The following CA10 variants were observed in gnomAD, a reference collection of about 807,000 sequenced individuals.
CA10 encodes carbonic anhydrase 10 (inactive).
In CA10, 14 loss-of-function variants were observed where a neutral mutation model predicts 44.2. That is an observed-to-expected ratio of 0.32 (90% CI 0.21 to 0.50). The LOEUF (loss-of-function observed/expected upper bound fraction) is 0.50, where lower values mean the gene tolerates loss of function less well. Among genes scored for constraint, CA10 ranks in the 20% least tolerant of loss-of-function variants. The pLI, the probability that CA10 is intolerant of heterozygous loss-of-function variation, is 0.99. For synonymous variants in CA10, 159 were observed against 141.6 expected (o/e 1.12, Z -0.87); for missense variants, 350 against 409.7 (o/e 0.85, Z 1.26).
chr17:51,758,438 G>A (rs1268594677), intron 3 of CA10, among the ~76,000 whole-genome samples: 1 of 152,182 alleles, frequency 6.6e-6, no homozygotes, highest in Non-Finnish European at 1.5e-5. Flanking sequence ...ACTAAGGCGT[G>A]GGCTAAATCA....
chr17:51,967,474 G>T (rs912600787), intron 2 of CA10, among the ~76,000 whole-genome samples: 4 of 151,942 alleles, frequency 2.6e-5, no homozygotes, highest in African/African-American at 9.6e-5. Context: ...TAAAGAAAAT[G>T]TGGTACATCT....
intron 3 of CA10, among the ~76,000 whole-genome samples, chr17:51,896,570 GCA>G (rs1228979346): frequency 9.9e-5 from 15 of 152,058 alleles, no homozygotes; most frequent in African/African-American, 3.6e-4. Context: ...CTTTATGGCA[GCA>G]CAATTTATAT....
intron 2 of CA10, among the ~76,000 whole-genome samples, chr17:52,029,951 G>T (rs911268430): frequency 6.6e-6 from 1 of 152,150 alleles, no homozygotes; most frequent in Admixed American, 6.6e-5. Context: ...AAGAGAGAAA[G>T]ACTTTTATAA....
At chr17:51,718,888 A>G (rs1296548179) in intron 4 of CA10, among the ~76,000 whole-genome samples, 1 of 152,174 alleles carries the variant, frequency 6.6e-6, no homozygotes, top group African/African-American at 2.4e-5. Flanking sequence ...AGAGGATAGA[A>G]AAAAACACTT....
intron 3 of CA10, among the ~76,000 whole-genome samples, chr17:51,874,905 T>C (rs190853457): frequency 9.2e-4 from 140 of 152,266 alleles, no homozygotes; most frequent in Non-Finnish European, 1.7e-3. Context: ...GCATCCTGTA[T>C]AGGGTAGGGT....
intron 3 of CA10, among the ~76,000 whole-genome samples, chr17:51,769,011 T>G (rs1905496786): frequency 6.6e-6 from 1 of 152,238 alleles, no homozygotes; most frequent in Non-Finnish European, 1.5e-5. Flanking sequence ...ATGATGTGCA[T>G]GTATTTTTTT....
At chr17:52,027,014 T>C (rs1351676422) in intron 2 of CA10, among the ~76,000 whole-genome samples, 3 of 152,104 alleles carry the variant, frequency 2.0e-5, no homozygotes, top group East Asian at 1.9e-4. Context: ...AATATTTAAA[T>C]AATTATACAA....
At position 51,937,846 on chromosome 17, in the gene CA10, T is replaced by TAGC. The variant is rs1480346933; in HGVS notation, c.137-6715_137-6714insGCT. ...TTTTCTCAAGTGCTAAGGTAAGCCT[T>TAGC]ACTCATAGAGAGTGCATTATTTTAA... On this transcript the variant is annotated intron_variant, in intron 2 of 8. Transcript: ENST00000451037. Among the ~76,000 whole-genome samples, 3 of 152,162 alleles carry TAGC rather than the reference T, an allele frequency of 2.0e-5. No homozygotes were observed. In the East Asian group the frequency reaches 5.8e-4, roughly 29 times the overall value.
chr17:52,002,100 A>C (rs1264690554), intron 2 of CA10, among the ~76,000 whole-genome samples: 1 of 151,996 alleles, frequency 6.6e-6, no homozygotes, highest in Non-Finnish European at 1.5e-5. Flanking sequence ...TAAAGCAAAC[A>C]AGTGCTTCCA....
chr17:51,990,287 T>C (rs1461755768), intron 2 of CA10, among the ~76,000 whole-genome samples: 2 of 152,148 alleles, frequency 1.3e-5, no homozygotes, highest in Non-Finnish European at 1.5e-5. Context: ...TAGGTGCTAG[T>C]AGACATATTA....
At chr17:51,835,512 G>A (rs1908444709) in intron 3 of CA10, among the ~76,000 whole-genome samples, 1 of 152,184 alleles carries the variant, frequency 6.6e-6, no homozygotes, top group Non-Finnish European at 1.5e-5. Flanking sequence ...GCTACATGGT[G>A]AGTTCAGTAT....
chr17:52,118,715 G>A (rs900477776), intron 1 of CA10, among the ~76,000 whole-genome samples: 6 of 152,072 alleles, frequency 3.9e-5, no homozygotes, highest in Non-Finnish European at 8.8e-5. Context: ...TTGGGTATAT[G>A]CTATCAATCA....
chr17:51,721,094 C>G (rs1916335346), intron 4 of CA10, among the ~76,000 whole-genome samples: 1 of 152,092 alleles, frequency 6.6e-6, no homozygotes, highest in Non-Finnish European at 1.5e-5. Context: ...CTTTGGGAGG[C>G]TGAGGTGGAC....
intron 2 of CA10, among the ~76,000 whole-genome samples, chr17:51,979,785 T>C (rs898222099): frequency 2.0e-5 from 3 of 152,184 alleles, no homozygotes; most frequent in Admixed American, 2.0e-4. Flanking sequence ...GTTACTGCTA[T>C]TGTTTGTTAG....
chr17:51,889,994 C>A (rs1336470328), intron 3 of CA10, among the ~76,000 whole-genome samples: 1 of 152,062 alleles, frequency 6.6e-6, no homozygotes, highest in South Asian at 2.1e-4. Flanking sequence ...CACCGATGAA[C>A]CCTTTACATT....
chr17:51,922,730 C>G (rs1376943751), intron 3 of CA10, among the ~76,000 whole-genome samples: 2 of 152,168 alleles, frequency 1.3e-5, no homozygotes, highest in Non-Finnish European at 2.9e-5. Flanking sequence ...TTCCATGAAG[C>G]AATGAGATCA....
chr17:51,967,720 GAA>G (rs1984132886), intron 2 of CA10, among the ~76,000 whole-genome samples: 1 of 151,570 alleles, frequency 6.6e-6, no homozygotes, highest in African/African-American at 2.4e-5. Flanking sequence ...ACAAAGAGTT[GAA>G]AAACTGTCAG....
At chr17:51,652,802 A>G (rs1355366285) in intron 5 of CA10, among the ~76,000 whole-genome samples, 1 of 152,146 alleles carries the variant, frequency 6.6e-6, no homozygotes, top group Non-Finnish European at 1.5e-5. Flanking sequence ...CAGATTCCCA[A>G]TTCCGATTGG....
chr17:51,979,968 G>T (rs1361138380), intron 2 of CA10, among the ~76,000 whole-genome samples: 1 of 152,068 alleles, frequency 6.6e-6, no homozygotes, highest in Admixed American at 6.6e-5. Context: ...CTTTGCTATT[G>T]TGAATAGTGC....
Sources: gnomAD v4.1 joint callset for allele counts (sites outside exome capture counted in the v4.1 genomes callset) on GRCh38, gnomAD v4.1.1 for gene constraint, MANE v1.5 for transcripts, NCBI Gene and HGNC (gene_info 2026-07-23, HGNC 2026-07-21) for gene names.